Variants in TOPBP1 observed in about 807,000 individuals in gnomAD.
TOPBP1 encodes DNA topoisomerase II binding protein 1, also known as DNA topoisomerase 2-binding protein 1.
TOPBP1 carries 28 observed loss-of-function variants against 167.7 expected under a neutral mutation model. The observed-to-expected ratio is 0.17, with a 90% confidence interval of 0.12 to 0.23. The LOEUF is 0.23. Ranked by LOEUF, TOPBP1 falls within the 10% of genes least tolerant of loss-of-function variation. The pLI, the probability that TOPBP1 is intolerant of heterozygous loss-of-function variation, is 1.00. For missense variants in TOPBP1, 1,554 were observed against 1,809.6 expected (o/e 0.86, Z 2.56); for synonymous variants, 598 against 611.4 (o/e 0.98, Z 0.32).
At chr3:133,603,273 T>A (rs1559802868) in intron 27 of TOPBP1, among the ~76,000 whole-genome samples, 1 of 151,972 alleles carries the variant, frequency 6.6e-6, no homozygotes. Context: ...AGAAGGCCAA[T>A]GGATAAAATA....
Position 133,601,339 on chromosome 3 carries a change from G to T in TOPBP1, c.4480C>A (p.Gln1494Lys). 1 of 1,590,152 alleles carries T rather than the reference G, an allele frequency of 6.3e-7. No individual in the cohort carries two copies. Among genetic ancestry groups the T allele is most frequent in the East Asian group, 2.3e-5 (1 of 44,398 alleles). The change falls in exon 28 of 28, where the codon CAG (glutamine) becomes AAG (lysine). Residue 1494 changes from glutamine (Q) to lysine (K), a missense_variant. Physicochemically the swap from Gln to Lys is moderately conservative, Grantham distance 53. This residue lies in a region of TOPBP1 where 351 missense variants were observed against 432.9 expected (regional missense o/e 0.81). Coordinates refer to ENST00000260810, the MANE Select transcript of TOPBP1 (RefSeq NM_007027.4). The part of the protein sequence containing the change: ...YCLPEAISFI[Q>K]NNKELGTGLS... ...CCAGTCCCAAGTTCCTTATTATTCT[G>T]AATAAATGAAATAGCTTCTGGTAGA...
rs1936375111 is a variant in TOPBP1, at chr3:133,653,597, T to G, written c.743-73A>C. 2.3e-6 allele frequency: 3 copies of G among 1,282,514 alleles called. No individual in the cohort carries two copies. The Admixed American group carries it at 9.8e-5, about 42-fold the overall frequency. 79.4% of individuals were successfully genotyped at this position (1,282,514 alleles called of 1,614,324 possible). A position where few individuals can be genotyped will look rare whatever the true frequency, so the allele number is the denominator to read the frequency against. On this transcript the variant is annotated intron_variant, in intron 6 of 27. Coordinates refer to ENST00000260810, the MANE Select transcript of TOPBP1 (RefSeq NM_007027.4). ...AAATGAAAACCATTACAATCTATCT[T>G]TGCAGAAATATTCAAATTATAACAG...
intron 16 of TOPBP1, among the ~76,000 whole-genome samples, chr3:133,625,708 G>A (rs1461965780): frequency 4.6e-5 from 7 of 151,172 alleles, no homozygotes; most frequent in African/African-American, 1.7e-4. Flanking sequence ...TCCAGCCTGG[G>A]CAACAAGAGC....
At chr3:133,628,793 T>C (rs1935363181) in intron 14 of TOPBP1, 60 bp from the exon 15 acceptor site, 6 of 1,512,100 alleles carry the variant, frequency 4.0e-6, no homozygotes, top group African/African-American at 2.8e-5. Flanking sequence ...AGAAGCAAGA[T>C]GGGTTAATAG....
rs186933583 is a variant in TOPBP1 at position 133,637,833 on chromosome 3, C to T, written c.2520+43G>A. 6.2e-3 allele frequency: 9,879 copies of T among 1,592,528 alleles called. 37 individuals are homozygous for T. The highest frequency in any genetic ancestry group is 7.1e-3 in the Non-Finnish European group (8,301 of 1,167,130). ...AAATTTGGTGCTTTAACTTTATAAA[C>T]GGTAAAACTGTTAACTCTGGGACCA... On this transcript the variant is annotated intron_variant, in intron 14 of 27. Coordinates refer to ENST00000260810, the MANE Select transcript of TOPBP1 (RefSeq NM_007027.4).
chr3:133,657,704 C>T (rs941861023), intron 4 of TOPBP1, 94 bp downstream of exon 4: 2 of 1,055,896 alleles, frequency 1.9e-6, no homozygotes, highest in Non-Finnish European at 2.5e-6. Context: ...GAACAATAAG[C>T]GGAAAGTCTT....
chr3:133,605,304 G>C (rs1228314434), intron 27 of TOPBP1, among the ~76,000 whole-genome samples: 1 of 149,526 alleles, frequency 6.7e-6, no homozygotes, highest in Non-Finnish European at 1.5e-5. Context: ...CAACTTGTTT[G>C]TGATGCCAGC....
At chr3:133,631,527 GT>G (rs936591021) in intron 14 of TOPBP1, among the ~76,000 whole-genome samples, 3 of 151,986 alleles carry the variant, frequency 2.0e-5, no homozygotes, top group African/African-American at 7.3e-5. Flanking sequence ...TTGGATTTGT[GT>G]CCCCACTCAA....
chr3:133,644,031 T>C lies in TOPBP1; in HGVS notation c.1837A>G (p.Asn613Asp), dbSNP rs753361682. 6.3e-7 allele frequency: 1 copy of C among 1,599,332 alleles called. No homozygotes were observed. The highest frequency in any genetic ancestry group is 2.2e-5 in the East Asian group (1 of 44,762). The change falls in exon 11 of 28, where the codon AAT (asparagine) becomes GAT (aspartate). Residue 613 changes from asparagine (N) to aspartate (D), a missense_variant. Around this residue, in one of 3 missense-constraint regions of TOPBP1, gnomAD observed 1,197 missense variants for 1,351.5 expected, o/e 0.89. Transcript: ENST00000260810. ...TAGTGTTGTCTTACCAGCCATGTAT[T>C]TGTAACAACTTCTCCCACAGTGGCT... is the stretch of plus-strand genomic sequence containing the variant. ...VEATVGEVVT[N>D]TWLVTCIDYQ...
At chr3:133,617,712 T>C (rs1041855963) in intron 21 of TOPBP1, among the ~76,000 whole-genome samples, 1 of 151,996 alleles carries the variant, frequency 6.6e-6, no homozygotes, top group Non-Finnish European at 1.5e-5. Flanking sequence ...GAGGTCATCA[T>C]GCAATGTGAA....
Position 133,638,017 on chromosome 3 carries a change from A to G in TOPBP1, c.2379T>C (p.Ala793=). The G allele has an allele frequency of 6.2e-7, 1 of 1,614,034 alleles. No individual in the cohort carries two copies. The highest frequency in any genetic ancestry group is 8.5e-7 in the Non-Finnish European group (1 of 1,179,886). ...CCTGTCTGGCATGTTGTGAGACCAC[A>G]GCACGGAAAGCTTTACTCTGAAAGC... ...MNRFQSKAFR[A]VVSQHARQVA... is the part of the protein sequence containing the mutation. Residue 793 remains alanine, a synonymous_variant, in exon 14 of 28, where the codon GCT becomes GCC. Coordinates refer to ENST00000260810, the MANE Select transcript of TOPBP1 (RefSeq NM_007027.4).
intron 14 of TOPBP1, among the ~76,000 whole-genome samples, chr3:133,629,839 T>C (rs1935404625): frequency 6.6e-6 from 1 of 151,978 alleles, no homozygotes; most frequent in African/African-American, 2.4e-5. Context: ...CAGGCTGGAG[T>C]ACAATGGCGC....
intron 5 of TOPBP1, among the ~76,000 whole-genome samples, chr3:133,656,245 T>C (rs1269297387): frequency 6.6e-6 from 1 of 152,098 alleles, no homozygotes. Context: ...ACATCTCAGC[T>C]GATGACTTGC....
At chr3:133,604,046 T>C (rs1173760785) in intron 27 of TOPBP1, among the ~76,000 whole-genome samples, 1 of 151,938 alleles carries the variant, frequency 6.6e-6, no homozygotes, top group African/African-American at 2.4e-5. Flanking sequence ...AATCCTCTTA[T>C]ATTTAGGAAC....
At chr3:133,658,675 T>C (rs191172240) in intron 3 of TOPBP1, among the ~76,000 whole-genome samples, 6 of 151,904 alleles carry the variant, frequency 3.9e-5, no homozygotes, top group Admixed American at 6.6e-5. Flanking sequence ...CGGGTGTGTA[T>C]ATACATCTGT....
intron 12 of TOPBP1, 103 bp from the exon 13 acceptor site, chr3:133,640,273 A>G (rs1217753321): frequency 2.1e-6 from 2 of 951,534 alleles, no homozygotes. Flanking sequence ...TCATGTAAGT[A>G]TAAAAAAAAA....
intron 14 of TOPBP1, 124 bp downstream of exon 14, chr3:133,637,751 TA>T (rs1935726787): frequency 3.0e-6 from 3 of 1,007,704 alleles, no homozygotes; most frequent in African/African-American, 1.6e-5. Flanking sequence ...CTCAGTAACA[TA>T]AATCTACTTG....
At chr3:133,661,198 A>G in intron 1 of TOPBP1, 64 bp from the exon 2 acceptor site, 1 of 1,261,960 alleles carries the variant, frequency 7.9e-7, no homozygotes, top group East Asian at 2.7e-5. Flanking sequence ...TGCATGTTTA[A>G]CCTACCTATT....
chr3:133,648,481 G>C (rs1936159661), intron 10 of TOPBP1, among the ~76,000 whole-genome samples: 1 of 152,208 alleles, frequency 6.6e-6, no homozygotes, highest in East Asian at 1.9e-4. Context: ...GTGGAGAGAG[G>C]GAGCAGGGCT....
Sources: allele counts gnomAD v4.1 joint callset (sites outside exome capture counted in the v4.1 genomes callset), GRCh38; gene constraint gnomAD v4.1.1; regional missense constraint gnomAD v4.1.1; transcripts MANE v1.5; gene names NCBI Gene and HGNC (gene_info 2026-07-23, HGNC 2026-07-21).